The following PAQR3 variants were observed in gnomAD, a reference collection of about 807,000 sequenced individuals.
PAQR3 encodes the protein Raf kinase trapping to Golgi.
A neutral mutation model predicts 41.7 loss-of-function variants in PAQR3; 39 were observed. The ratio of observed to expected loss-of-function variants is 0.93; its 90% CI spans 0.72 to 1.22. The LOEUF (loss-of-function observed/expected upper bound fraction) is 1.22. Ranked by LOEUF, PAQR3 falls within the 50% of genes most tolerant of loss-of-function variation. The probability of loss-of-function intolerance (pLI) is 0.00; values close to 1 mark genes in which losing one functional copy is unlikely to be tolerated. For synonymous variants in PAQR3, 140 were observed against 140.6 expected (o/e 1.00, Z 0.03); for missense variants, 366 against 385.6 (o/e 0.95, Z 0.42).
intron 3 of PAQR3, among the ~76,000 whole-genome samples, chr4:78,929,907 T>C (rs563391918): frequency 1.3e-5 from 2 of 152,314 alleles, no homozygotes; most frequent in South Asian, 4.1e-4. Flanking sequence ...AGTGAAAACA[T>C]TAATAATTTA....
intron 11 of PAQR3, among the ~76,000 whole-genome samples, chr4:78,900,426 G>A (rs1733938849): frequency 6.6e-6 from 1 of 152,168 alleles, no homozygotes; most frequent in Admixed American, 6.6e-5. Context: ...GACTGAAAGT[G>A]AAGGAAGGAG....
At chr4:78,930,832 T>C (rs1174002777) in intron 2 of PAQR3, among the ~76,000 whole-genome samples, 2 of 151,886 alleles carry the variant, frequency 1.3e-5, no homozygotes, top group Non-Finnish European at 2.9e-5. Context: ...ATATTTTCAA[T>C]ACATATGTCA....
downstream of PAQR3, chr4:78,911,461 C>T (rs1199782778): frequency 2.5e-6 from 4 of 1,613,920 alleles, no homozygotes; most frequent in Non-Finnish European, 3.4e-6. Context: ...AAAAGTCAAA[C>T]AGCGCAGCTT....
rs1226429536 is a variant in PAQR3 at position 78,918,644 on chromosome 4, G to C, written c.*1895C>G. 1.1e-6 allele frequency: 1 copy of C among 950,710 alleles called. No homozygotes were observed. The highest frequency in any genetic ancestry group is 1.3e-6 in the Non-Finnish European group (1 of 798,548). The allele number at this position is 950,710 out of a possible 1,614,324, so 58.9% of individuals were successfully genotyped here. ...TCTTTTCATGTTATTAATTCAAATG[G>C]CAAGTATGTATTCATATACTAATAC... On this transcript the variant is annotated 3_prime_UTR_variant, in exon 6 of 6. Transcript: ENST00000512733.
downstream of PAQR3, chr4:78,911,265 G>A (rs751477562): frequency 6.2e-7 from 1 of 1,613,976 alleles, no homozygotes; most frequent in South Asian, 1.1e-5. Flanking sequence ...TTAGCAAGAA[G>A]GTGAATGTAC....
chr4:78,927,495 T>C (rs1367427936), intron 3 of PAQR3, among the ~76,000 whole-genome samples: 1 of 152,222 alleles, frequency 6.6e-6, no homozygotes, highest in Non-Finnish European at 1.5e-5. Context: ...TTGAATAAAG[T>C]AGATGTGAGC....
chr4:78,894,003 A>G (rs1733574449), intron 11 of PAQR3, among the ~76,000 whole-genome samples: 1 of 152,234 alleles, frequency 6.6e-6, no homozygotes, highest in African/African-American at 2.4e-5. Context: ...GTCAATGAGC[A>G]GGAATATTTT....
chr4:78,931,596 A>C (rs899808142), intron 2 of PAQR3, among the ~76,000 whole-genome samples: 4 of 152,134 alleles, frequency 2.6e-5, no homozygotes, highest in Non-Finnish European at 5.9e-5. Context: ...CAAACAGTAC[A>C]GTAACAAATC....
At chr4:78,911,721 C>T (rs1560561202), downstream of PAQR3, 1 of 1,613,834 alleles carries the variant, frequency 6.2e-7, no homozygotes, top group Non-Finnish European at 8.5e-7. Context: ...GGGGGAATGT[C>T]TTACAACCTG....
chr4:78,938,563 T>C (rs879577646), intron 1 of PAQR3, among the ~76,000 whole-genome samples: 34 of 152,156 alleles, frequency 2.2e-4, no homozygotes, highest in Non-Finnish European at 4.9e-4. Flanking sequence ...CATGTTTGCT[T>C]TTTTTTCTGC....
At chr4:78,888,508 A>G (rs1733232574) in intron 11 of PAQR3, among the ~76,000 whole-genome samples, 1 of 152,168 alleles carries the variant, frequency 6.6e-6, no homozygotes, top group Non-Finnish European at 1.5e-5. Context: ...CTCTGTTAGG[A>G]ATTGCATTAT....
rs1736708833 is a variant in PAQR3 at position 78,930,267 on chromosome 4, G to GT, written c.406dup (p.Thr136AsnfsTer32). On this transcript the variant is annotated frameshift_variant, in exon 3 of 6. Transcript: ENST00000512733. LOFTEE classifies it high-confidence loss of function. ...ATCTAATGCCATCCATCTTCGACAT[G>GT]TTTTTTCTGACCGATGGCAGGAAAA... is the stretch of plus-strand genomic sequence containing the variant. The GT allele has an allele frequency of 2.5e-6, 4 of 1,613,634 alleles. No homozygotes were observed. Among genetic ancestry groups the GT allele is most frequent in the East Asian group, 2.2e-5 (1 of 44,856 alleles).
chr4:78,934,607 G>T (rs1737236567), intron 2 of PAQR3, among the ~76,000 whole-genome samples: 1 of 152,076 alleles, frequency 6.6e-6, no homozygotes, highest in Admixed American at 6.6e-5. Flanking sequence ...AAATACAGGA[G>T]GTAGAGAGGA....
At chr4:78,907,837 T>C (rs1026991284), downstream of PAQR3, among the ~76,000 whole-genome samples, 7 of 152,106 alleles carry the variant, frequency 4.6e-5, no homozygotes, top group Non-Finnish European at 8.8e-5. Flanking sequence ...TACTTGGAGG[T>C]GTCCGTGAGC....
At chr4:78,900,253 A>G (rs543496234) in intron 11 of PAQR3, among the ~76,000 whole-genome samples, 1 of 152,320 alleles carries the variant, frequency 6.6e-6, no homozygotes, top group South Asian at 2.1e-4. Context: ...AACATTCAAA[A>G]TATGTTATTA....
rs1307042195 is a variant in PAQR3 at position 78,919,580 on chromosome 4, A to G, written c.*959T>C. On this transcript the variant is annotated 3_prime_UTR_variant, in exon 6 of 6. Coordinates refer to ENST00000512733, the MANE Select transcript of PAQR3 (RefSeq NM_001040202.2). ...TGGGGCATCTGCATGACTTTGTTCT[A>G]AGGCTTAAGGTTCATTTCAGGGTCA... is the stretch of plus-strand genomic sequence containing the variant. 26 of 984,976 alleles carry G rather than the reference A, an allele frequency of 2.6e-5. No homozygotes were observed. Among genetic ancestry groups the G allele is most frequent in the Non-Finnish European group, 3.1e-5 (26 of 829,782 alleles). The allele number at this position is 984,976 out of a possible 1,614,324, so 61.0% of individuals were successfully genotyped here. A position where few individuals can be genotyped will look rare whatever the true frequency, so the allele number is the denominator to read the frequency against.
chr4:78,889,603 TA>T (rs949780093), intron 11 of PAQR3, among the ~76,000 whole-genome samples: 17 of 152,276 alleles, frequency 1.1e-4, no homozygotes, highest in Middle Eastern at 6.8e-3. Context: ...AACCTCCCTA[TA>T]AGCTTTAGGA....
downstream of PAQR3, chr4:78,911,815 G>A: frequency 1.2e-6 from 2 of 1,613,958 alleles, no homozygotes; most frequent in Non-Finnish European, 1.7e-6. Context: ...GGGCCTGAGC[G>A]ACATCCGTGC....
chr4:78,887,994 ACT>A (rs905147704), intron 12 of PAQR3: 1 of 152,206 alleles, frequency 6.6e-6, no homozygotes, highest in Non-Finnish European at 1.5e-5. Context: ...TTTGTTTCTC[ACT>A]CAGGCAAGTT....
Sources: gnomAD v4.1 joint callset for allele counts (sites outside exome capture counted in the v4.1 genomes callset) on GRCh38, gnomAD v4.1.1 for gene constraint, MANE v1.5 for transcripts, NCBI Gene and HGNC (gene_info 2026-07-23, HGNC 2026-07-21) for gene names.